RANBP2: variants seen among roughly 807,000 people sequenced by gnomAD.
RANBP2 encodes the protein E3 SUMO-protein ligase RanBP2.
RANBP2 carries 57 observed loss-of-function variants against 303.6 expected under a neutral mutation model. That is an observed-to-expected ratio of 0.19 (90% CI 0.15 to 0.23). RANBP2 has a LOEUF of 0.23. Among genes scored for constraint, RANBP2 ranks in the 10% least tolerant of loss-of-function variants. RANBP2 has a pLI of 1.00. For synonymous variants in RANBP2, 1,167 were observed against 1,301.5 expected (o/e 0.90, Z 2.23); for missense variants, 3,138 against 3,780.8 (o/e 0.83, Z 4.46).
At chr2:109,539,233 G>C in the RANBP2 span, among the ~76,000 whole-genome samples, 2 of 151,998 alleles carry the variant, frequency 1.3e-5, no homozygotes, top group Non-Finnish European at 2.9e-5. Flanking sequence ...AGGAGGCAGA[G>C]GTTGCAGTGA....
the RANBP2 span, among the ~76,000 whole-genome samples, chr2:109,204,576 G>A: frequency 7.0e-4 from 107 of 152,266 alleles, 2 homozygotes; most frequent in South Asian, 0.019. Context: ...GTTCAGCAGC[G>A]TCCCTGGCCT....
At chr2:109,611,511 ATG>A in the RANBP2 span, among the ~76,000 whole-genome samples, 1 of 152,160 alleles carries the variant, frequency 6.6e-6, no homozygotes, top group Non-Finnish European at 1.5e-5. Flanking sequence ...AATAGGCAAC[ATG>A]TTGGGAGGCT....
At chr2:109,455,758 G>A in the RANBP2 span, among the ~76,000 whole-genome samples, 3 of 152,188 alleles carry the variant, frequency 2.0e-5, no homozygotes, top group South Asian at 6.2e-4. Context: ...CAGGCAGCCG[G>A]GGAAGCCAGC....
In RANBP2 at chr2:108,771,883, G is replaced by A. The variant is rs1484958523; in HGVS notation, c.8020+12G>A. ...AGAAGAGGAGGATGGTAAAACTTTT[G>A]TTATTTCAAAAATCCTCTGTTCCCG... On this transcript the variant is annotated intron_variant, in intron 21 of 28. Coordinates refer to ENST00000283195, the MANE Select transcript of RANBP2 (RefSeq NM_006267.5). The A allele has an allele frequency of 1.2e-6, 2 of 1,613,788 alleles. No individual in the cohort carries two copies.
At chr2:109,712,007 G>A in the RANBP2 span, among the ~76,000 whole-genome samples, 3 of 152,130 alleles carry the variant, frequency 2.0e-5, no homozygotes, top group South Asian at 2.1e-4. Flanking sequence ...CCCTGTCATC[G>A]GGGCTGATGC....
At chr2:109,335,430 A>G in the RANBP2 span, among the ~76,000 whole-genome samples, 1 of 152,012 alleles carries the variant, frequency 6.6e-6, no homozygotes, top group Non-Finnish European at 1.5e-5. Flanking sequence ...TACCTCTTCC[A>G]CACGCCACCT....
At chr2:109,078,293 TA>T in the RANBP2 span, among the ~76,000 whole-genome samples, 2 of 127,560 alleles carry the variant, frequency 1.6e-5, 1 homozygote, top group Non-Finnish European at 3.4e-5. Context: ...TATATATATA[TA>T]TATATAGCGT....
chr2:109,016,201 C>T, the RANBP2 span, among the ~76,000 whole-genome samples: 19 of 152,144 alleles, frequency 1.2e-4, no homozygotes, highest in Non-Finnish European at 2.1e-4. Context: ...CCTGCCTCAG[C>T]CTCCCAAGTA....
the RANBP2 span, among the ~76,000 whole-genome samples, chr2:109,645,283 C>T: frequency 6.6e-6 from 1 of 152,212 alleles, no homozygotes; most frequent in Non-Finnish European, 1.5e-5. Flanking sequence ...AATACCCCTC[C>T]ACTTAGTACG....
At chr2:109,221,461 T>C in the RANBP2 span, among the ~76,000 whole-genome samples, 12 of 151,856 alleles carry the variant, frequency 7.9e-5, no homozygotes, top group Admixed American at 5.3e-4. Context: ...TGCACGCCTG[T>C]AATCCCAGCT....
the RANBP2 span, among the ~76,000 whole-genome samples, chr2:108,970,860 G>T: frequency 6.6e-6 from 1 of 152,162 alleles, no homozygotes; most frequent in Non-Finnish European, 1.5e-5. Flanking sequence ...GTTTAACCTG[G>T]GGAATAGTCT....
chr2:109,516,025 C>A, the RANBP2 span, among the ~76,000 whole-genome samples: 2 of 152,188 alleles, frequency 1.3e-5, no homozygotes. Flanking sequence ...ATTCTTTGTG[C>A]TAACTACCTG....
chr2:109,534,645 T>C, the RANBP2 span, among the ~76,000 whole-genome samples: 3 of 152,002 alleles, frequency 2.0e-5, no homozygotes, highest in Non-Finnish European at 4.4e-5. Flanking sequence ...CTGGGCGTGA[T>C]GGCACTGGCC....
the RANBP2 span, chr2:108,907,953 G>A: frequency 7.1e-3 from 11,453 of 1,613,616 alleles, 89 homozygotes; most frequent in East Asian, 0.03. Context: ...TGTCAGGGGC[G>A]GGCTCCTCAT....
the RANBP2 span, among the ~76,000 whole-genome samples, chr2:109,032,556 A>C: frequency 6.6e-6 from 1 of 151,326 alleles, no homozygotes. Context: ...TCTTCATCCC[A>C]CTCCATCCAT....
At chr2:109,042,007 A>G in the RANBP2 span, among the ~76,000 whole-genome samples, 3 of 152,254 alleles carry the variant, frequency 2.0e-5, no homozygotes, top group East Asian at 5.8e-4. Context: ...ATACGTTTTT[A>G]TCTATAGTTG....
chr2:108,762,131 G>C lies in RANBP2; in HGVS notation c.2633G>C (p.Ser878Thr). 6.3e-7 allele frequency: 1 copy of C among 1,594,998 alleles called. No homozygotes were observed. Among genetic ancestry groups the C allele is most frequent in the Non-Finnish European group, 8.5e-7 (1 of 1,179,016 alleles). The change falls in exon 19 of 29, where the codon AGT (serine) becomes ACT (threonine). Residue 878 changes from serine (S) to threonine (T), a missense_variant. This residue lies in a region of RANBP2 where 26 missense variants were observed against 58.0 expected (regional missense o/e 0.45). Transcript: ENST00000283195. Reference sequence around the variant, plus strand: ...ACTACTGGCCCTTCAGTATATTATAGTCAGTCACCAGCATATAATTCCCAG... The same window carrying C: ...ACTACTGGCCCTTCAGTATATTATACTCAGTCACCAGCATATAATTCCCAG... ...VATTGPSVYY[S>T]QSPAYNSQYL...
chr2:109,146,378 T>TAATC, the RANBP2 span, among the ~76,000 whole-genome samples: 1 of 152,160 alleles, frequency 6.6e-6, no homozygotes, highest in Admixed American at 6.5e-5. Context: ...TACTAGTGAC[T>TAATC]AATCACTCCT....
At chr2:108,793,257 C>T in the RANBP2 span, among the ~76,000 whole-genome samples, 1 of 151,790 alleles carries the variant, frequency 6.6e-6, no homozygotes, top group African/African-American at 2.4e-5. Flanking sequence ...CCCAGCTGCT[C>T]GGGAGGCGGA....
Sources: gnomAD v4.1 joint callset for allele counts (sites outside exome capture counted in the v4.1 genomes callset) on GRCh38, gnomAD v4.1.1 for gene constraint, gnomAD v4.1.1 regional missense constraint, MANE v1.5 for transcripts, NCBI Gene and HGNC (gene_info 2026-07-23, HGNC 2026-07-21) for gene names.